SIMC1: variants seen among roughly 807,000 people sequenced by gnomAD.
SIMC1 encodes the protein SUMO-interacting motif-containing protein 1.
In SIMC1, 55 loss-of-function variants were observed where a neutral mutation model predicts 82.3. The ratio of observed to expected loss-of-function variants is 0.67; its 90% CI spans 0.54 to 0.84. The LOEUF is 0.84. Ranked by LOEUF, SIMC1 falls within the 40% of genes least tolerant of loss-of-function variation. The pLI is 0.00. For missense variants in SIMC1, 915 were observed against 1,107.2 expected (o/e 0.83, Z 2.46); for synonymous variants, 353 against 426.3 (o/e 0.83, Z 2.12).
intron 9 of SIMC1, among the ~76,000 whole-genome samples, chr5:176,341,242 C>T (rs962161494): frequency 6.6e-6 from 1 of 152,166 alleles, no homozygotes; most frequent in African/African-American, 2.4e-5. Flanking sequence ...TGTCCAAGGG[C>T]CTTGAGGCAA....
At chr5:176,284,083 T>G (rs1763146618) in intron 1 of SIMC1, among the ~76,000 whole-genome samples, 1 of 152,030 alleles carries the variant, frequency 6.6e-6, no homozygotes, top group South Asian at 2.1e-4. Context: ...ATGGGAGACT[T>G]TAACACCCCA....
chr5:176,330,400 CA>C (rs554910341), intron 7 of SIMC1, among the ~76,000 whole-genome samples: 21,607 of 94,002 alleles, frequency 0.23, 1,464 homozygotes, highest in Middle Eastern at 0.37. Context: ...GTCTCCATCT[CA>C]AAAAAAAAAA....
intron 3 of SIMC1, among the ~76,000 whole-genome samples, chr5:176,295,903 C>T (rs1470107859): frequency 1.3e-5 from 2 of 152,122 alleles, no homozygotes; most frequent in African/African-American, 2.4e-5. Flanking sequence ...TATCTTTGAG[C>T]CAATCACCGT....
intron 9 of SIMC1, among the ~76,000 whole-genome samples, chr5:176,339,976 G>A (rs1766059181): frequency 6.6e-6 from 1 of 152,174 alleles, no homozygotes; most frequent in Non-Finnish European, 1.5e-5. Flanking sequence ...GTTGTTGAGG[G>A]CATTTTGAGA....
chr5:176,288,637 A>G (rs1386916802), intron 1 of SIMC1, among the ~76,000 whole-genome samples: 1 of 152,156 alleles, frequency 6.6e-6, no homozygotes, highest in Non-Finnish European at 1.5e-5. Flanking sequence ...TCACCAAGCA[A>G]TCCCTATTCC....
At chr5:176,327,923 G>A (rs940188458) in intron 7 of SIMC1, among the ~76,000 whole-genome samples, 1 of 152,096 alleles carries the variant, frequency 6.6e-6, no homozygotes, top group African/African-American at 2.4e-5. Context: ...TTGCATTCCT[G>A]GAATAAAAAC....
At chr5:176,268,909 CTG>C (rs1454533507) in intron 1 of SIMC1, among the ~76,000 whole-genome samples, 1 of 152,162 alleles carries the variant, frequency 6.6e-6, no homozygotes, top group African/African-American at 2.4e-5. Flanking sequence ...CCAGGGTAGG[CTG>C]TGTGTTAGGA....
chr5:176,317,910 G>A (rs1006397670), intron 5 of SIMC1, among the ~76,000 whole-genome samples: 4 of 152,162 alleles, frequency 2.6e-5, no homozygotes, highest in Middle Eastern at 6.3e-3. Flanking sequence ...AGCAACAAAA[G>A]CAGAGATTTG....
intron 1 of SIMC1, among the ~76,000 whole-genome samples, chr5:176,279,968 G>T (rs1232217251): frequency 6.6e-6 from 1 of 152,086 alleles, no homozygotes; most frequent in Non-Finnish European, 1.5e-5. Context: ...GGGGTGGAGA[G>T]TTCTGTAGAT....
chr5:176,241,671 C>A (rs1248746771), intron 1 of SIMC1, among the ~76,000 whole-genome samples: 1 of 151,770 alleles, frequency 6.6e-6, no homozygotes, highest in South Asian at 2.1e-4. Context: ...CAGTGGCCTA[C>A]TGTTGACTGG....
At chr5:176,252,068 T>C (rs1284268381) in intron 1 of SIMC1, among the ~76,000 whole-genome samples, 1 of 152,198 alleles carries the variant, frequency 6.6e-6, no homozygotes, top group Non-Finnish European at 1.5e-5. Context: ...ACCATTGTCA[T>C]CATGGCCCGT....
At chr5:176,338,202 G>C (rs535012763) in intron 9 of SIMC1, among the ~76,000 whole-genome samples, 1 of 152,134 alleles carries the variant, frequency 6.6e-6, no homozygotes, top group African/African-American at 2.4e-5. Flanking sequence ...TAACTGACCT[G>C]TACTTTTTTA....
chr5:176,320,208 G>A (rs911828213), intron 5 of SIMC1, among the ~76,000 whole-genome samples: 5 of 152,210 alleles, frequency 3.3e-5, no homozygotes, highest in East Asian at 1.9e-4. Flanking sequence ...CTTCTAAGCC[G>A]TGCCTGGTAT....
chr5:176,304,349 C>T lies in SIMC1; in HGVS notation c.1734+8029C>T, dbSNP rs1024162268. The T allele has an allele frequency of 4.2e-3, 674 of 161,680 alleles. 4 individuals are homozygous for T. Among genetic ancestry groups the T allele is most frequent in the Non-Finnish European group, 6.0e-3 (441 of 73,066 alleles). 10.0% of individuals were successfully genotyped at this position (161,680 alleles called of 1,614,324 possible). ...AGTGCCTGCGATTGCAGGCACGCGC[C>T]ACCACGCCTGACTGGTTTTGGTGGA... On this transcript the variant is annotated intron_variant, in intron 4 of 9. Coordinates refer to ENST00000429602, the MANE Select transcript of SIMC1 (RefSeq NM_001308195.2).
At chr5:176,326,666 G>C (rs1189033291) in intron 7 of SIMC1, among the ~76,000 whole-genome samples, 7 of 152,202 alleles carry the variant, frequency 4.6e-5, no homozygotes, top group African/African-American at 1.7e-4. Flanking sequence ...CTGGGTTCAA[G>C]TGATTCTCCT....
At chr5:176,330,739 A>G (rs1197664045) in intron 7 of SIMC1, among the ~76,000 whole-genome samples, 1 of 152,228 alleles carries the variant, frequency 6.6e-6, no homozygotes, top group African/African-American at 2.4e-5. Context: ...AAAATGATGA[A>G]TTAGGCAGAA....
chr5:176,309,099 G>A (rs1302787176), intron 4 of SIMC1: 2 of 678,202 alleles, frequency 2.9e-6, no homozygotes, highest in East Asian at 2.5e-5. Flanking sequence ...AAACTTGGAG[G>A]ACTCACATTA....
chr5:176,309,135 C>A, intron 4 of SIMC1: 1 of 623,004 alleles, frequency 1.6e-6, no homozygotes, highest in Non-Finnish European at 2.8e-6. Flanking sequence ...TACTATAAAG[C>A]TGTAGTAATC....
intron 7 of SIMC1, 116 bp from the exon 8 acceptor site, chr5:176,336,604 A>C: frequency 3.6e-6 from 5 of 1,370,606 alleles, no homozygotes; most frequent in Non-Finnish European, 4.9e-6. Context: ...CTTCCATGGT[A>C]TTCCTTCTTA....
Sources: allele counts gnomAD v4.1 joint callset (sites outside exome capture counted in the v4.1 genomes callset), GRCh38; gene constraint gnomAD v4.1.1; transcripts MANE v1.5; gene names NCBI Gene and HGNC (gene_info 2026-07-23, HGNC 2026-07-21).